Variants in PCDHGB2 observed in about 807,000 individuals in gnomAD.
PCDHGB2 encodes the protein protocadherin gamma-B2.
A neutral mutation model predicts 59.3 loss-of-function variants in PCDHGB2; 55 were observed. That is an observed-to-expected ratio of 0.93 (90% CI 0.75 to 1.16). The LOEUF is 1.16. Among genes scored for constraint, PCDHGB2 ranks in the 50% most tolerant of loss-of-function variants. The pLI, the probability that PCDHGB2 is intolerant of heterozygous loss-of-function variation, is 0.00. For missense variants in PCDHGB2, 1,228 were observed against 1,198.5 expected (o/e 1.02, Z -0.36); for synonymous variants, 516 against 512.0 (o/e 1.01, Z -0.11).
intron 1 of PCDHGB2, among the ~76,000 whole-genome samples, chr5:141,362,918 A>G (rs1159193332): frequency 6.6e-6 from 1 of 152,244 alleles, no homozygotes; most frequent in African/African-American, 2.4e-5. Context: ...AATACTTCAG[A>G]GTAAAGAGAG....
intron 1 of PCDHGB2, chr5:141,366,223 C>A: frequency 1.1e-5 from 17 of 1,613,836 alleles, no homozygotes; most frequent in Non-Finnish European, 1.4e-5. Context: ...CAGCGCGAGC[C>A]CTGCTGGACA....
At position 141,405,211 on chromosome 5, in the gene PCDHGB2, T is replaced by G. The variant is rs756004707; in HGVS notation, c.2421+42655T>G. On this transcript the variant is annotated intron_variant, in intron 1 of 3. Coordinates refer to ENST00000522605, the MANE Select transcript of PCDHGB2 (RefSeq NM_018923.3). ...GGGTTCGAGCTTTCCTACAGACCTA[T>G]TCTCAGGAGTTCTCCCTCACCGCTG... The G allele has an allele frequency of 7.4e-6, 12 of 1,613,432 alleles. No homozygotes were observed. In the South Asian group the frequency reaches 1.2e-4, roughly 16 times the overall value.
In PCDHGB2 at chr5:141,389,981, G is replaced by T. The variant is rs750738084; in HGVS notation, c.2421+27425G>T. On this transcript the variant is annotated intron_variant, in intron 1 of 3. Transcript: ENST00000522605. ...TGGTGGCCTTGGCCTTGATCTCAGT[G>T]CTCTTCCTCGTGGCCATGATTCTGG... The T allele has an allele frequency of 2.5e-6, 4 of 1,614,006 alleles. No homozygotes were observed. The South Asian group carries it at 4.4e-5, about 18-fold the overall frequency.
chr5:141,408,720 A>T, intron 1 of PCDHGB2: 1 of 1,611,332 alleles, frequency 6.2e-7, no homozygotes, highest in Non-Finnish European at 8.5e-7. Context: ...TATAAGATAA[A>T]CTCTAATCCT....
chr5:141,479,562 T>G (rs1176956064), intron 1 of PCDHGB2: 2 of 152,218 alleles, frequency 1.3e-5, no homozygotes, highest in Non-Finnish European at 2.9e-5. Flanking sequence ...TATCCAGTAG[T>G]GGGATGACAT....
chr5:141,490,833 G>C lies in PCDHGB2; in HGVS notation c.2422-3974G>C, dbSNP rs781529579. ...ACTATGAATTGCTGCAGATGCTGCA[G>C]ATTGTGGTGGGGGTTCGAGACTCCG... On this transcript the variant is annotated intron_variant, in intron 1 of 3. Coordinates refer to ENST00000522605, the MANE Select transcript of PCDHGB2 (RefSeq NM_018923.3). This position sits in a 1 kb window ranked among gnomAD's most constrained non-coding sequence, Gnocchi z 5.4. The C allele has an allele frequency of 6.2e-7, 1 of 1,613,932 alleles. No homozygotes were observed. Among genetic ancestry groups the C allele is most frequent in the East Asian group, 2.2e-5 (1 of 44,884 alleles).
rs142115917 is a variant in PCDHGB2, at chr5:141,361,509, G to T, written c.1374G>T (p.Met458Ile). Residue 458 changes from methionine to isoleucine, a missense_variant, in exon 1 of 4, where the codon ATG (methionine) becomes ATT (isoleucine). By Grantham distance (10) the Met-to-Ile change is conservative. This residue lies in a region of PCDHGB2 where 781 missense variants were observed against 721.6 expected (regional missense o/e 1.08). Coordinates refer to ENST00000522605, the MANE Select transcript of PCDHGB2 (RefSeq NM_018923.3). ...CAGTTTTCCAACAGACTTCCTACAT[G>T]GTTCACGTGGCAGAGAACAATCCTC... ...NAPVFQQTSY[M>I]VHVAENNPPG... 1.6e-4 allele frequency: 252 copies of T among 1,613,978 alleles called. No homozygotes were observed. In the East Asian group the frequency reaches 5.6e-3, roughly 36 times the overall value.
intron 2 of PCDHGB2, 34 bp from the exon 3 acceptor site, chr5:141,505,359 G>T: frequency 1.9e-6 from 3 of 1,613,870 alleles, no homozygotes; most frequent in Non-Finnish European, 2.5e-6. Context: ...TGCCGGCCTG[G>T]GAGTCTGTGC....
At chr5:141,365,714 A>T in intron 1 of PCDHGB2, 3 of 1,613,646 alleles carry the variant, frequency 1.9e-6, no homozygotes, top group Non-Finnish European at 2.5e-6. Context: ...CACCTCTGTC[A>T]CAGAAAACAA....
chr5:141,389,777 C>G (rs771585855), intron 1 of PCDHGB2: 68 of 1,613,174 alleles, frequency 4.2e-5, no homozygotes, highest in Non-Finnish European at 5.7e-5. Context: ...GTGCCTTAGG[C>G]GACAGGGACG....
chr5:141,405,120 A>G (rs1223444295), intron 1 of PCDHGB2: 2 of 1,613,938 alleles, frequency 1.2e-6, no homozygotes, highest in Non-Finnish European at 1.7e-6. Context: ...CACTCCTCGC[A>G]TCTGCTGCGG....
chr5:141,419,196 A>G (rs2096342064), intron 1 of PCDHGB2: 1 of 1,613,994 alleles, frequency 6.2e-7, no homozygotes, highest in Middle Eastern at 1.6e-4. Context: ...ACTGACGTCA[A>G]TGACAACGCG....
In PCDHGB2 at chr5:141,431,118, A is replaced by T. The variant is rs2097344347; in HGVS notation, c.2422-63689A>T. On this transcript the variant is annotated intron_variant, in intron 1 of 3. Coordinates refer to ENST00000522605, the MANE Select transcript of PCDHGB2 (RefSeq NM_018923.3). This position sits in a 1 kb window ranked among gnomAD's most constrained non-coding sequence, Gnocchi z 4.8. ...GATAAAGTGAAAATATATGGAGTAG[A>T]AGTAGAAGTAAGGGACATTAACGAC... is the stretch of plus-strand genomic sequence containing the variant. The T allele has an allele frequency of 6.2e-7, 1 of 1,614,182 alleles. No homozygotes were observed. Among genetic ancestry groups the T allele is most frequent in the African/African-American group, 1.3e-5 (1 of 75,070 alleles).
chr5:141,371,481 G>A (rs1296629306), intron 1 of PCDHGB2: 1 of 1,613,956 alleles, frequency 6.2e-7, no homozygotes, highest in South Asian at 1.1e-5. Flanking sequence ...TGCTGAGCTG[G>A]GGACTGCCGT....
At position 141,381,559 on chromosome 5, in the gene PCDHGB2, A is replaced by G. The variant is rs547767768; in HGVS notation, c.2421+19003A>G. 3.2e-4 allele frequency among the ~76,000 whole-genome samples: 48 copies of G among 152,342 alleles called. No individual in the cohort carries two copies. In the Middle Eastern group the frequency reaches 0.01, roughly 32 times the overall value. ...AGGATGAAGACTTGAATTGAATTGC[A>G]TAATGAAAAGAATCAGCCAATCCAT... On this transcript the variant is annotated intron_variant, in intron 1 of 3. Transcript: ENST00000522605.
intron 3 of PCDHGB2, among the ~76,000 whole-genome samples, chr5:141,508,943 CAG>C (rs1562237475): frequency 1.3e-5 from 2 of 151,982 alleles, no homozygotes; most frequent in Admixed American, 6.6e-5. Context: ...TTAGGGAAAA[CAG>C]AGAAATGTCA....
chr5:141,422,272 A>T, intron 1 of PCDHGB2: 13 of 1,561,362 alleles, frequency 8.3e-6, no homozygotes, highest in Non-Finnish European at 1.1e-5. Context: ...TCCAGAAATA[A>T]CTATCACCTC....
chr5:141,364,856 C>G (rs748996283), intron 1 of PCDHGB2: 1 of 1,614,006 alleles, frequency 6.2e-7, no homozygotes, highest in Non-Finnish European at 8.5e-7. Flanking sequence ...CAGCTCCAAT[C>G]TGCACTTCTC....
Position 141,361,238 on chromosome 5 carries a change from T to C in PCDHGB2, c.1103T>C (p.Leu368Ser). The C allele has an allele frequency of 1.2e-6, 2 of 1,613,980 alleles. No individual in the cohort carries two copies. Among genetic ancestry groups the C allele is most frequent in the South Asian group, 2.2e-5 (2 of 91,080 alleles). Residue 368 changes from leucine to serine, a missense_variant, in exon 1 of 4, where the codon TTG becomes TCG. Leu to Ser is a moderately radical substitution (Grantham distance 145). Around this residue, in one of 3 missense-constraint regions of PCDHGB2, gnomAD observed 781 missense variants for 721.6 expected, o/e 1.08. Transcript: ENST00000522605. ...EDSPPGTVIA[L>S]IKTRDRDSGE... ...TCGCCACCAGGAACAGTGATCGCCT[T>C]GATAAAAACGAGAGACAGAGACTCT... is the stretch of plus-strand genomic sequence containing the variant.
Sources: gnomAD v4.1 joint callset for allele counts (sites outside exome capture counted in the v4.1 genomes callset) on GRCh38, gnomAD v4.1.1 for gene constraint, gnomAD v4.1.1 regional missense constraint, Gnocchi (gnomAD v3.1) non-coding constraint, MANE v1.5 for transcripts, NCBI Gene and HGNC (gene_info 2026-07-23, HGNC 2026-07-21) for gene names.